LRMDA: variants seen among roughly 807,000 people sequenced by gnomAD.
LRMDA encodes leucine rich melanocyte differentiation associated, also known as leucine-rich melanocyte differentiation-associated protein.
In LRMDA, 18 loss-of-function variants were observed where a neutral mutation model predicts 29.8. The observed-to-expected ratio is 0.60, with a 90% CI of 0.42 to 0.90. The LOEUF is 0.90. Ranked by LOEUF, LRMDA falls within the 40% of genes least tolerant of loss-of-function variation. The probability of loss-of-function intolerance (pLI) is 0.00; values close to 1 mark genes in which losing one functional copy is unlikely to be tolerated. For missense variants in LRMDA, 273 were observed against 273.9 expected (o/e 1.00, Z 0.02); for synonymous variants, 125 against 109.4 (o/e 1.14, Z -0.89).
intron 2 of LRMDA, among the ~76,000 whole-genome samples, chr10:75,860,642 A>G (rs1315522984): frequency 6.6e-6 from 1 of 152,300 alleles, no homozygotes; most frequent in South Asian, 2.1e-4. Context: ...TTTCTAACTC[A>G]TGCTTTGAAG....
At chr10:75,652,751 G>C (rs1841615698) in intron 2 of LRMDA, among the ~76,000 whole-genome samples, 1 of 152,124 alleles carries the variant, frequency 6.6e-6, no homozygotes, top group Admixed American at 6.5e-5. Context: ...TCTTCTATCT[G>C]TCCAGGAAGC....
At chr10:75,658,956 GAGCCCAATCATTTGGGC>G (rs1439954975) in intron 2 of LRMDA, among the ~76,000 whole-genome samples, 2 of 152,192 alleles carry the variant, frequency 1.3e-5, no homozygotes, top group African/African-American at 4.8e-5. Context: ...CTCAGGTTTG[GAGCCCAATCATTTGGGC>G]TCCAAATTCT....
intron 5 of LRMDA, among the ~76,000 whole-genome samples, chr10:76,104,128 G>A (rs1849441209): frequency 6.6e-6 from 1 of 151,904 alleles, no homozygotes; most frequent in Non-Finnish European, 1.5e-5. Context: ...GCTTTTGTGT[G>A]TGTTTGTGTG....
chr10:76,390,348 A>G (rs1841708078), intron 6 of LRMDA, among the ~76,000 whole-genome samples: 1 of 152,158 alleles, frequency 6.6e-6, no homozygotes. Flanking sequence ...GTAAAAGGGT[A>G]GAAGGAGGGT....
At chr10:76,187,572 A>G (rs1851171945) in intron 5 of LRMDA, among the ~76,000 whole-genome samples, 1 of 152,248 alleles carries the variant, frequency 6.6e-6, no homozygotes, top group South Asian at 2.1e-4. Flanking sequence ...GATTATCCCC[A>G]TACCTCATGG....
chr10:75,689,031 CAAAA>C (rs148645892), intron 2 of LRMDA, among the ~76,000 whole-genome samples: 7 of 145,932 alleles, frequency 4.8e-5, no homozygotes, highest in Non-Finnish European at 9.1e-5. Context: ...TATGGGGAAA[CAAAA>C]AAAAAACCCA....
At chr10:76,042,425 C>T (rs548846211) in intron 3 of LRMDA, among the ~76,000 whole-genome samples, 51 of 152,294 alleles carry the variant, frequency 3.3e-4, no homozygotes, top group African/African-American at 1.2e-3. Flanking sequence ...AGGAAAGTCC[C>T]ATGATCAGAG....
intron 5 of LRMDA, among the ~76,000 whole-genome samples, chr10:76,104,185 G>T (rs1010315292): frequency 1.3e-5 from 2 of 152,070 alleles, no homozygotes. Context: ...TCTACCACTA[G>T]AATGCAAGGC....
chr10:76,001,902 C>T (rs552754166), intron 2 of LRMDA, among the ~76,000 whole-genome samples: 1 of 152,214 alleles, frequency 6.6e-6, no homozygotes, highest in Non-Finnish European at 1.5e-5. Flanking sequence ...TGGAAAACCT[C>T]TTCTAAAATC....
intron 5 of LRMDA, among the ~76,000 whole-genome samples, chr10:76,160,036 C>T (rs149624244): frequency 9.7e-4 from 148 of 152,050 alleles, no homozygotes; most frequent in African/African-American, 3.4e-3. Context: ...TGAGTAATAA[C>T]GATGGGTTGA....
intron 5 of LRMDA, among the ~76,000 whole-genome samples, chr10:76,125,922 C>G (rs1019077926): frequency 3.9e-5 from 6 of 152,236 alleles, no homozygotes; most frequent in African/African-American, 4.8e-5. Context: ...ACTATATGTT[C>G]TGACTTTTCC....
At chr10:75,770,993 G>T (rs17349122) in intron 2 of LRMDA, among the ~76,000 whole-genome samples, 2 of 152,102 alleles carry the variant, frequency 1.3e-5, no homozygotes, top group Admixed American at 1.3e-4. Flanking sequence ...AGACGTGTCC[G>T]TGGGGAGGTA....
chr10:76,405,498 G>C (rs1478762191), intron 6 of LRMDA, among the ~76,000 whole-genome samples: 10 of 152,180 alleles, frequency 6.6e-5, no homozygotes, highest in Non-Finnish European at 1.5e-4. Context: ...TTATACAACA[G>C]GGTAAAGGAC....
intron 6 of LRMDA, among the ~76,000 whole-genome samples, chr10:76,460,318 T>C (rs1258018288): frequency 6.6e-6 from 1 of 152,240 alleles, no homozygotes; most frequent in Non-Finnish European, 1.5e-5. Context: ...ACACCCAGCA[T>C]TTCTAAGTCA....
rs548711733 is a variant in LRMDA, at chr10:76,058,276, C to T, written c.399-390C>T. Among the ~76,000 whole-genome samples, 11 of 152,270 alleles carry T rather than the reference C, an allele frequency of 7.2e-5. No homozygotes were observed. In the South Asian group the frequency reaches 1.5e-3, roughly 20 times the overall value. On this transcript the variant is annotated intron_variant, in intron 4 of 6. Transcript: ENST00000611255. ...AGATGACCCATAGGAATGGCAGTGA[C>T]GTAAAGGGTACAATCAATTTATAGG...
chr10:76,403,871 T>C (rs915878463), intron 6 of LRMDA, among the ~76,000 whole-genome samples: 2 of 152,100 alleles, frequency 1.3e-5, no homozygotes. Context: ...TTTCCTAGTT[T>C]CCCCCCTGGC....
chr10:75,762,753 C>T (rs1015124727), intron 2 of LRMDA, among the ~76,000 whole-genome samples: 6 of 152,118 alleles, frequency 3.9e-5, no homozygotes, highest in Non-Finnish European at 8.8e-5. Context: ...AATCCCTGGC[C>T]TCATAGTAAG....
At chr10:75,464,577 G>A (rs1046024675) in intron 2 of LRMDA, among the ~76,000 whole-genome samples, 2 of 152,332 alleles carry the variant, frequency 1.3e-5, no homozygotes, top group Middle Eastern at 3.4e-3. Context: ...ATATATGTGA[G>A]GAAGAAAGGA....
chr10:75,486,198 A>G (rs1421149224), intron 2 of LRMDA, among the ~76,000 whole-genome samples: 1 of 152,232 alleles, frequency 6.6e-6, no homozygotes, highest in Non-Finnish European at 1.5e-5. Flanking sequence ...TGTGATCTAT[A>G]TATACATTAT....
Sources: allele counts gnomAD v4.1 joint callset (sites outside exome capture counted in the v4.1 genomes callset), GRCh38; gene constraint gnomAD v4.1.1; transcripts MANE v1.5; gene names NCBI Gene and HGNC (gene_info 2026-07-23, HGNC 2026-07-21).